FOXP2: variants seen among roughly 807,000 people sequenced by gnomAD.
FOXP2 encodes forkhead box P2, also known as forkhead box protein P2.
FOXP2 carries 12 observed loss-of-function variants against 115.8 expected under a neutral mutation model. The observed-to-expected ratio is 0.10, with a 90% CI of 0.07 to 0.17. FOXP2 has a LOEUF of 0.17. FOXP2 is among the 10% of genes least tolerant of loss of function. The probability of loss-of-function intolerance (pLI) is 1.00; values close to 1 mark genes in which losing one functional copy is unlikely to be tolerated. For synonymous variants in FOXP2, 328 were observed against 297.7 expected (o/e 1.10, Z -1.05); for missense variants, 629 against 843.5 (o/e 0.75, Z 3.15).
intron 1 of FOXP2, among the ~76,000 whole-genome samples, chr7:114,176,328 T>C (rs111671515): frequency 3.8e-4 from 50 of 132,912 alleles, no homozygotes; most frequent in African/African-American, 1.8e-3. Context: ...CTCTTTCTTT[T>C]TCTTTCTTTC....
chr7:114,269,782 C>T (rs1046263984), intron 1 of FOXP2, among the ~76,000 whole-genome samples: 1 of 152,116 alleles, frequency 6.6e-6, no homozygotes, highest in African/African-American at 2.4e-5. Context: ...TTATGTTCCT[C>T]CACACCCCAC....
At chr7:114,380,467 A>G (rs979385146) in intron 2 of FOXP2, among the ~76,000 whole-genome samples, 5 of 152,190 alleles carry the variant, frequency 3.3e-5, no homozygotes, top group African/African-American at 1.2e-4. Flanking sequence ...TTTTCTACAA[A>G]GGAACTTCCA....
At chr7:114,124,526 A>C (rs896994228) in intron 1 of FOXP2, among the ~76,000 whole-genome samples, 1 of 152,042 alleles carries the variant, frequency 6.6e-6, no homozygotes, top group Non-Finnish European at 1.5e-5. Context: ...ACTGATTAAC[A>C]CATGACATAA....
At chr7:114,333,966 A>G (rs1032475161) in intron 2 of FOXP2, among the ~76,000 whole-genome samples, 1 of 152,072 alleles carries the variant, frequency 6.6e-6, no homozygotes, top group Non-Finnish European at 1.5e-5. Flanking sequence ...TACTTTCATT[A>G]AATCAATTTT....
At chr7:114,241,144 C>A (rs571439988) in intron 1 of FOXP2, among the ~76,000 whole-genome samples, 3 of 152,084 alleles carry the variant, frequency 2.0e-5, no homozygotes, top group African/African-American at 7.2e-5. Flanking sequence ...TCCATTACCA[C>A]ACCAAGCACT....
At chr7:114,258,567 T>C (rs1259346169) in intron 1 of FOXP2, among the ~76,000 whole-genome samples, 5 of 152,186 alleles carry the variant, frequency 3.3e-5, no homozygotes, top group Admixed American at 3.3e-4. Flanking sequence ...GATATTCACA[T>C]CCTGAAATTA....
rs139686660 is a variant in FOXP2 at position 114,552,183 on chromosome 7, G to A, written c.258+17477G>A. ...TTTTAAATGTGAGATTGATGTTTAGGGTATAGCTTACTTTAGGACCATGGA... is the reference window on the plus strand; with the variant it reads ...TTTTAAATGTGAGATTGATGTTTAGAGTATAGCTTACTTTAGGACCATGGA... On this transcript the variant is annotated intron_variant, in intron 3 of 16. Coordinates refer to ENST00000350908, the MANE Select transcript of FOXP2 (RefSeq NM_014491.4). Among the ~76,000 whole-genome samples the A allele has an allele frequency of 1.2e-4, 18 of 152,204 alleles. No individual in the cohort carries two copies. The East Asian group carries it at 3.1e-3, about 26-fold the overall frequency.
intron 6 of FOXP2, among the ~76,000 whole-genome samples, chr7:114,633,315 A>G (rs1318238483): frequency 2.0e-5 from 3 of 152,196 alleles, no homozygotes; most frequent in Admixed American, 6.5e-5. Context: ...GTTTTCAAAT[A>G]GAAATTACCT....
At chr7:114,463,025 A>G (rs568490402) in intron 2 of FOXP2, 5 of 426,376 alleles carry the variant, frequency 1.2e-5, no homozygotes, top group Admixed American at 2.6e-5. Context: ...TATTTTTTAA[A>G]TTTCATTTAT....
intron 2 of FOXP2, among the ~76,000 whole-genome samples, chr7:114,482,851 C>T (rs908597447): frequency 2.5e-4 from 38 of 151,532 alleles, no homozygotes; most frequent in Non-Finnish European, 4.3e-4. Flanking sequence ...TTAATGTTGC[C>T]ACTCACATTT....
rs1244358789 is a variant in FOXP2, at chr7:114,514,091, A to C, written c.169-20526A>C. Among the ~76,000 whole-genome samples the C allele has an allele frequency of 2.9e-4, 10 of 34,218 alleles. No individual in the cohort carries two copies. In the Admixed American group the frequency reaches 3.6e-3, roughly 12 times the overall value. The allele number at this position is 34,218 out of a possible 152,430, so 22.4% of individuals were successfully genotyped here. On this transcript the variant is annotated intron_variant, in intron 2 of 16. Transcript: ENST00000350908. ...GATCTTAACATTGTATCTTATACAC[A>C]CACACACACACACACACACACACAC...
intron 13 of FOXP2, 87 bp from the exon 14 acceptor site, chr7:114,661,978 T>A: frequency 6.6e-7 from 1 of 1,524,538 alleles, no homozygotes; most frequent in South Asian, 1.1e-5. Context: ...TCACTCTGAT[T>A]AAGTAAGATC....
chr7:114,591,610 T>C (rs1802441524), intron 3 of FOXP2, among the ~76,000 whole-genome samples: 1 of 152,006 alleles, frequency 6.6e-6, no homozygotes, highest in Admixed American at 6.6e-5. Context: ...TCATGTGCTA[T>C]GTGTATGACC....
chr7:114,472,892 G>A (rs369731895), intron 2 of FOXP2, among the ~76,000 whole-genome samples: 21 of 152,168 alleles, frequency 1.4e-4, no homozygotes, highest in African/African-American at 4.1e-4. Context: ...AAAATATTAT[G>A]TAAGTTTCCA....
intron 1 of FOXP2, among the ~76,000 whole-genome samples, chr7:114,230,691 T>C (rs1794852833): frequency 6.6e-6 from 1 of 151,806 alleles, no homozygotes; most frequent in Admixed American, 6.6e-5. Flanking sequence ...ATAAGAACAT[T>C]CAGTGTGCAA....
intron 2 of FOXP2, among the ~76,000 whole-genome samples, chr7:114,529,855 A>G (rs964677209): frequency 3.3e-5 from 5 of 151,926 alleles, no homozygotes; most frequent in Non-Finnish European, 5.9e-5. Context: ...CATAATATGA[A>G]GAAAGGCCAA....
chr7:114,116,007 G>A (rs917314349), intron 1 of FOXP2, among the ~76,000 whole-genome samples: 12 of 152,006 alleles, frequency 7.9e-5, no homozygotes, highest in Admixed American at 5.9e-4. Context: ...CCCTAATTGT[G>A]GCATAAATAG....
At chr7:114,101,576 A>G (rs1034973142) in intron 1 of FOXP2, among the ~76,000 whole-genome samples, 2 of 152,122 alleles carry the variant, frequency 1.3e-5, no homozygotes, top group African/African-American at 4.8e-5. Context: ...TTAAGTGCTC[A>G]CAAACCATCT....
At chr7:114,184,842 C>T (rs931562119) in intron 1 of FOXP2, among the ~76,000 whole-genome samples, 1 of 152,086 alleles carries the variant, frequency 6.6e-6, no homozygotes, top group Non-Finnish European at 1.5e-5. Context: ...AAGTAGATGA[C>T]CTTAAACACA....
Sources: gnomAD v4.1 joint callset for allele counts (sites outside exome capture counted in the v4.1 genomes callset) on GRCh38, gnomAD v4.1.1 for gene constraint, MANE v1.5 for transcripts, NCBI Gene and HGNC (gene_info 2026-07-23, HGNC 2026-07-21) for gene names.